Variants in STK32B observed in about 807,000 individuals in gnomAD.
STK32B encodes the protein serine/threonine kinase 32B.
A neutral mutation model predicts 52.6 loss-of-function variants in STK32B; 43 were observed. The observed-to-expected ratio is 0.82, with a 90% CI of 0.64 to 1.05. The LOEUF is 1.05. Ranked by LOEUF, STK32B falls within the 50% of genes least tolerant of loss-of-function variation. STK32B has a pLI of 0.00. For synonymous variants in STK32B, 238 were observed against 204.3 expected (o/e 1.17, Z -1.41); for missense variants, 621 against 534.6 (o/e 1.16, Z -1.59).
intron 4 of STK32B, among the ~76,000 whole-genome samples, chr4:5,352,700 G>A (rs1006412266): frequency 4.7e-5 from 7 of 149,924 alleles, no homozygotes; most frequent in African/African-American, 7.4e-5. Context: ...TAGAAAAACC[G>A]AAAGACTGCA....
At chr4:5,424,937 C>T (rs1004196990) in intron 6 of STK32B, among the ~76,000 whole-genome samples, 1 of 152,254 alleles carries the variant, frequency 6.6e-6, no homozygotes, top group Non-Finnish European at 1.5e-5. Flanking sequence ...CTGGCATCTC[C>T]AAGCTTCTGG....
chr4:5,384,958 T>C (rs1736150941), intron 4 of STK32B, among the ~76,000 whole-genome samples: 2 of 152,110 alleles, frequency 1.3e-5, no homozygotes, highest in Admixed American at 1.3e-4. Context: ...GTCACACGGT[T>C]GTTGCCATCA....
intron 1 of STK32B, among the ~76,000 whole-genome samples, chr4:5,115,241 A>T (rs57450218): frequency 0.042 from 6,453 of 152,162 alleles, 451 homozygotes; most frequent in African/African-American, 0.15. Flanking sequence ...TGGAACTCTG[A>T]TGCCCCAAGG....
chr4:5,047,268 C>CA (rs1035618246), upstream of STK32B, among the ~76,000 whole-genome samples: 4 of 149,992 alleles, frequency 2.7e-5, no homozygotes, highest in Non-Finnish European at 5.9e-5. Flanking sequence ...TGTTCTCACT[C>CA]ATAAGTGGGA....
intron 2 of STK32B, 41 bp from the exon 3 acceptor site, chr4:5,168,258 G>T (rs375649706): frequency 1.9e-6 from 3 of 1,581,214 alleles, no homozygotes; most frequent in African/African-American, 1.3e-5. Context: ...CTCCCTTTTC[G>T]ATTGTTGGCC....
intron 11 of STK32B, among the ~76,000 whole-genome samples, chr4:5,472,074 C>T (rs1717891939): frequency 6.6e-6 from 1 of 152,206 alleles, no homozygotes; most frequent in African/African-American, 2.4e-5. Flanking sequence ...ATCATCTGCA[C>T]CAAGCAGCAA....
chr4:5,239,997 A>C (rs565754259), intron 3 of STK32B, among the ~76,000 whole-genome samples: 35 of 151,736 alleles, frequency 2.3e-4, no homozygotes, highest in African/African-American at 8.2e-4. Flanking sequence ...GTACCTGACT[A>C]TCATTCTTTC....
chr4:5,198,860 G>A (rs891702813), intron 3 of STK32B, among the ~76,000 whole-genome samples: 3 of 152,190 alleles, frequency 2.0e-5, no homozygotes, highest in African/African-American at 7.2e-5. Context: ...CTTTGTGTCA[G>A]GCTGACTTAA....
At chr4:5,331,121 C>T in intron 3 of STK32B, 99 bp from the exon 4 acceptor site, 3 of 1,228,158 alleles carry the variant, frequency 2.4e-6, no homozygotes, top group Admixed American at 2.4e-5. Flanking sequence ...GTGCCTCTCT[C>T]TGAGCCTCAG....
intron 3 of STK32B, among the ~76,000 whole-genome samples, chr4:5,206,827 G>T (rs1722605084): frequency 6.6e-6 from 1 of 152,070 alleles, no homozygotes; most frequent in Non-Finnish European, 1.5e-5. Context: ...TCAGGGCTGG[G>T]GTTTGGGCCT....
At chr4:5,317,172 C>CATATAATATATATATATAACAT (rs1287499835) in intron 3 of STK32B, among the ~76,000 whole-genome samples, 1 of 49,976 alleles carries the variant, frequency 2.0e-5, no homozygotes, top group Non-Finnish European at 2.8e-5. Context: ...ATATATATAA[C>CATATAATATATATATATAACAT]ATATAATATA....
chr4:5,320,908 T>C (rs1213828755), intron 3 of STK32B, among the ~76,000 whole-genome samples: 1 of 152,202 alleles, frequency 6.6e-6, no homozygotes, highest in East Asian at 1.9e-4. Context: ...TCTTAGTGTC[T>C]TCAAACAGAA....
At chr4:5,026,627 T>G in the STK32B span, among the ~76,000 whole-genome samples, 1 of 152,082 alleles carries the variant, frequency 6.6e-6, no homozygotes, top group Non-Finnish European at 1.5e-5. Context: ...CAAGGGGAGA[T>G]TTGGGTGGGG....
intron 11 of STK32B, among the ~76,000 whole-genome samples, chr4:5,488,327 T>C (rs150992230): frequency 6.6e-6 from 1 of 152,162 alleles, no homozygotes; most frequent in Admixed American, 6.5e-5. Flanking sequence ...TGTAAGATTT[T>C]ATGGTGTAAT....
In STK32B at chr4:5,379,715, C is replaced by T. The variant is rs374283977; in HGVS notation, c.435-18492C>T. On this transcript the variant is annotated intron_variant, in intron 4 of 11. Transcript: ENST00000282908. ...ACACAAAGGGAAGACTGTGGGAGGA[C>T]GCAAGGCAAAGATGGCCACCTGCAA... 4.4e-4 allele frequency among the ~76,000 whole-genome samples: 67 copies of T among 152,200 alleles called. 1 individual carries two copies. The highest frequency in any genetic ancestry group is 3.7e-3 in the South Asian group (18 of 4,818).
At chr4:5,225,717 T>C (rs1372665538) in intron 3 of STK32B, among the ~76,000 whole-genome samples, 1 of 152,214 alleles carries the variant, frequency 6.6e-6, no homozygotes, top group African/African-American at 2.4e-5. Flanking sequence ...AGAAGCTTTA[T>C]ATCCTCTTAG....
intron 3 of STK32B, among the ~76,000 whole-genome samples, chr4:5,175,379 C>G (rs1289700727): frequency 1.3e-5 from 2 of 152,240 alleles, no homozygotes; most frequent in Non-Finnish European, 2.9e-5. Context: ...AAGAGGCACT[C>G]TGATTTTTAG....
At chr4:5,315,614 G>T (rs1301715208) in intron 3 of STK32B, among the ~76,000 whole-genome samples, 1 of 151,554 alleles carries the variant, frequency 6.6e-6, no homozygotes, top group African/African-American at 2.4e-5. Context: ...AATACCTCTG[G>T]AAAGAGTAGA....
intron 6 of STK32B, among the ~76,000 whole-genome samples, chr4:5,420,566 G>A (rs1049233127): frequency 7.2e-5 from 11 of 152,176 alleles, no homozygotes; most frequent in Non-Finnish European, 1.0e-4. Flanking sequence ...GATGCAGACT[G>A]GACATGTGGA....
Sources: gnomAD v4.1 joint callset for allele counts (sites outside exome capture counted in the v4.1 genomes callset) on GRCh38, gnomAD v4.1.1 for gene constraint, MANE v1.5 for transcripts, NCBI Gene and HGNC (gene_info 2026-07-23, HGNC 2026-07-21) for gene names.